CNTNAP2: variants seen among roughly 807,000 people sequenced by gnomAD.
CNTNAP2 encodes the protein contactin-associated protein-like 2.
Under a neutral mutation model 155.2 loss-of-function variants are expected in CNTNAP2, and 98 were observed. The ratio of observed to expected loss-of-function variants is 0.63; its 90% CI spans 0.54 to 0.75. The LOEUF (loss-of-function observed/expected upper bound fraction) is 0.75, where lower values mean the gene tolerates loss of function less well. Among genes scored for constraint, CNTNAP2 ranks in the 30% least tolerant of loss-of-function variants. The pLI, the probability that CNTNAP2 is intolerant of heterozygous loss-of-function variation, is 0.00. For synonymous variants in CNTNAP2, 651 were observed against 631.2 expected (o/e 1.03, Z -0.47); for missense variants, 1,727 against 1,688.1 (o/e 1.02, Z -0.40).
rs552092384 is a variant in CNTNAP2 at position 146,774,554 on chromosome 7, A to G, written c.208+173A>G. 2.0e-3 allele frequency among the ~76,000 whole-genome samples: 305 copies of G among 152,304 alleles called. 2 individuals carry two copies. The highest frequency in any genetic ancestry group is 7.0e-3 in the African/African-American group (290 of 41,568). ...CATTAACCTCTCATGTAATCTCCAC[A>G]TTGAAATAACATAGGAAAACTTAGG... is the stretch of plus-strand genomic sequence containing the variant. On this transcript the variant is annotated intron_variant, in intron 2 of 23. Coordinates refer to ENST00000361727, the MANE Select transcript of CNTNAP2 (RefSeq NM_014141.6).
chr7:147,171,656 A>G (rs762952467), intron 8 of CNTNAP2, among the ~76,000 whole-genome samples: 1 of 152,140 alleles, frequency 6.6e-6, no homozygotes, highest in South Asian at 2.1e-4. Flanking sequence ...ATCGTGAAAT[A>G]CCTCTGTAAT....
intron 8 of CNTNAP2, among the ~76,000 whole-genome samples, chr7:147,190,777 A>C (rs1802664047): frequency 6.6e-6 from 1 of 152,194 alleles, no homozygotes; most frequent in African/African-American, 2.4e-5. Flanking sequence ...TGAAGCATTA[A>C]ACTATGTCAC....
chr7:147,269,346 G>A (rs960250397), intron 8 of CNTNAP2, among the ~76,000 whole-genome samples: 6 of 152,072 alleles, frequency 3.9e-5, no homozygotes, highest in African/African-American at 1.4e-4. Context: ...TTCAGCAGAG[G>A]GAAGGCTCAG....
chr7:146,312,615 T>C (rs987114376), intron 1 of CNTNAP2, among the ~76,000 whole-genome samples: 7 of 152,196 alleles, frequency 4.6e-5, no homozygotes, highest in African/African-American at 9.6e-5. Flanking sequence ...ATCTGAAATA[T>C]ACATTATTAT....
intron 3 of CNTNAP2, among the ~76,000 whole-genome samples, chr7:146,986,567 A>T (rs1798117790): frequency 6.6e-6 from 1 of 152,248 alleles, no homozygotes; most frequent in Middle Eastern, 3.4e-3. Context: ...TTAATTATTC[A>T]AGGAATCTCC....
intron 2 of CNTNAP2, among the ~76,000 whole-genome samples, chr7:146,788,042 C>G (rs140994272): frequency 1.3e-5 from 2 of 152,214 alleles, no homozygotes; most frequent in Non-Finnish European, 2.9e-5. Context: ...CCCACCCTAC[C>G]GAGAAGCCCA....
At position 146,163,487 on chromosome 7, in the gene CNTNAP2, C is replaced by A. The variant is rs542810226; in HGVS notation, c.97+46514C>A. On this transcript the variant is annotated intron_variant, in intron 1 of 23. Coordinates refer to ENST00000361727, the MANE Select transcript of CNTNAP2 (RefSeq NM_014141.6). ...ATTATATATATCTATATATATCTATCTATATCTATATCTATATATCTATAT... is the reference window on the plus strand; with the variant it reads ...ATTATATATATCTATATATATCTATATATATCTATATCTATATATCTATAT... Among the ~76,000 whole-genome samples, 148 of 134,720 alleles carry A rather than the reference C, an allele frequency of 1.1e-3. 1 individual carries two copies. Among genetic ancestry groups the A allele is most frequent in the African/African-American group, 3.8e-3 (141 of 36,750 alleles). The allele number at this position is 134,720 out of a possible 152,430, so 88.4% of individuals were successfully genotyped here.
chr7:146,849,178 C>A (rs757907296), intron 3 of CNTNAP2, among the ~76,000 whole-genome samples: 6 of 152,120 alleles, frequency 3.9e-5, no homozygotes, highest in Non-Finnish European at 5.9e-5. Flanking sequence ...TTTGGAAGAA[C>A]CTTGGAGTTT....
At chr7:147,437,432 C>T (rs1797569373) in intron 10 of CNTNAP2, among the ~76,000 whole-genome samples, 1 of 152,032 alleles carries the variant, frequency 6.6e-6, no homozygotes, top group Admixed American at 6.6e-5. Context: ...TTCCTTTCAG[C>T]TCTTTTTAGA....
At chr7:147,803,741 C>G (rs117990122) in intron 13 of CNTNAP2, among the ~76,000 whole-genome samples, 4,864 of 152,268 alleles carry the variant, frequency 0.032, 132 homozygotes, top group Non-Finnish European at 0.051. Context: ...CCAATTACTG[C>G]CATTTAGAGA....
chr7:146,956,735 C>T (rs534812366), intron 3 of CNTNAP2, among the ~76,000 whole-genome samples: 12 of 152,124 alleles, frequency 7.9e-5, no homozygotes, highest in Non-Finnish European at 1.3e-4. Flanking sequence ...TGCTTGTAAG[C>T]GACTAAATGG....
intron 1 of CNTNAP2, among the ~76,000 whole-genome samples, chr7:146,212,397 G>A (rs977980573): frequency 2.0e-5 from 3 of 152,102 alleles, no homozygotes; most frequent in Non-Finnish European, 1.5e-5. Flanking sequence ...GTGTGTCCCT[G>A]TTTTAAGATG....
intron 14 of CNTNAP2, chr7:147,940,419 C>T (rs1800698554): frequency 6.6e-6 from 1 of 151,090 alleles, no homozygotes; most frequent in African/African-American, 2.4e-5. Context: ...CAGAGTAAAA[C>T]TTACAGAGCA....
At chr7:148,193,918 C>T (rs1235165747) in intron 18 of CNTNAP2, among the ~76,000 whole-genome samples, 2 of 151,450 alleles carry the variant, frequency 1.3e-5, no homozygotes, top group Non-Finnish European at 2.9e-5. Context: ...TTCCCGTTTC[C>T]TTCTGCTTGT....
At chr7:146,986,471 G>A (rs1563033000) in intron 3 of CNTNAP2, among the ~76,000 whole-genome samples, 1 of 152,134 alleles carries the variant, frequency 6.6e-6, no homozygotes, top group African/African-American at 2.4e-5. Context: ...ACATTTTTGT[G>A]CAAGTATCTT....
rs1795405365 is a variant in CNTNAP2, at chr7:147,648,664, C to T, written c.2098+9358C>T. On this transcript the variant is annotated intron_variant, in intron 13 of 23. Coordinates refer to ENST00000361727, the MANE Select transcript of CNTNAP2 (RefSeq NM_014141.6). The stretch of plus-strand genomic sequence containing the variant: ...TATAAAACCATCAGATCTTGTGAGA[C>T]TTATTCACTATCATGAGAGTAGCAC... Among the ~76,000 whole-genome samples the T allele has an allele frequency of 1.3e-5, 2 of 152,130 alleles. 1 individual carries two copies. The highest frequency in any genetic ancestry group is 4.1e-4 in the South Asian group (2 of 4,828).
chr7:147,941,009 T>C (rs1200988428), intron 14 of CNTNAP2, among the ~76,000 whole-genome samples: 3 of 152,186 alleles, frequency 2.0e-5, no homozygotes. Context: ...TGGAGTTGGT[T>C]TGGAGGTATT....
chr7:147,245,010 G>T (rs374174449), intron 8 of CNTNAP2, among the ~76,000 whole-genome samples: 1 of 152,056 alleles, frequency 6.6e-6, no homozygotes, highest in Non-Finnish European at 1.5e-5. Flanking sequence ...CACTGAAAAC[G>T]AAATTTCTAG....
intron 18 of CNTNAP2, among the ~76,000 whole-genome samples, chr7:148,183,399 A>C (rs1489656195): frequency 6.6e-6 from 1 of 151,984 alleles, no homozygotes; most frequent in Non-Finnish European, 1.5e-5. Flanking sequence ...TAAAGACAAA[A>C]GTTTTAAAGC....
Sources: allele counts gnomAD v4.1 joint callset (sites outside exome capture counted in the v4.1 genomes callset), GRCh38; gene constraint gnomAD v4.1.1; transcripts MANE v1.5; gene names NCBI Gene and HGNC (gene_info 2026-07-23, HGNC 2026-07-21).